ODF2: variants seen among roughly 807,000 people sequenced by gnomAD.
ODF2 encodes outer dense fiber of sperm tails 2.
In ODF2, 47 loss-of-function variants were observed where a neutral mutation model predicts 110.2. The observed-to-expected ratio is 0.43, with a 90% CI of 0.34 to 0.54. The LOEUF is 0.54. ODF2 is among the 20% of genes least tolerant of loss of function. ODF2 has a pLI of 0.03. For missense variants in ODF2, 812 were observed against 1,054.5 expected (o/e 0.77, Z 3.19); for synonymous variants, 352 against 397.7 (o/e 0.89, Z 1.37).
At chr9:128,473,081 C>T (rs1462112757) in intron 7 of ODF2, 39 bp downstream of exon 7, 1 of 1,612,424 alleles carries the variant, frequency 6.2e-7, no homozygotes, top group Admixed American at 1.7e-5. Flanking sequence ...ATGGAACTGG[C>T]CTCGGGAGGG....
chr9:128,460,432 C>G (rs1466495345), intron 3 of ODF2, 118 bp from the exon 3 acceptor site: 1 of 1,508,278 alleles, frequency 6.6e-7, no homozygotes, highest in Non-Finnish European at 8.9e-7. Context: ...GGTAGCTGTC[C>G]TGCTCGCTTG....
At chr9:128,475,956 T>C (rs1333071642) in intron 8 of ODF2, among the ~76,000 whole-genome samples, 1 of 152,074 alleles carries the variant, frequency 6.6e-6, no homozygotes, top group Non-Finnish European at 1.5e-5. Flanking sequence ...GTTCAACTTC[T>C]TTAGGTTCCA....
intron 2 of ODF2, among the ~76,000 whole-genome samples, chr9:128,457,641 C>G (rs1321520528): frequency 1.3e-5 from 2 of 152,190 alleles, no homozygotes; most frequent in African/African-American, 2.4e-5. Flanking sequence ...CCTTCCCTCC[C>G]CAGATGTCAC....
chr9:128,499,865 C>T (rs1846265310), intron 20 of ODF2, among the ~76,000 whole-genome samples: 1 of 152,188 alleles, frequency 6.6e-6, no homozygotes, highest in East Asian at 1.9e-4. Flanking sequence ...CCGTCCTGAC[C>T]TCCCGAAGTG....
At chr9:128,498,667 C>T in intron 19 of ODF2, 92 bp downstream of exon 19, 1 of 718,094 alleles carries the variant, frequency 1.4e-6, no homozygotes, top group Non-Finnish European at 2.3e-6. Context: ...AATGGGCACA[C>T]AGTAGTACCC....
At chr9:128,460,985 G>C in exon 4 of ODF2, 1 of 1,614,122 alleles carries the variant, frequency 6.2e-7, no homozygotes, top group South Asian at 1.1e-5. Flanking sequence ...GTGAATGTGC[G>C]GCGGAGTGTC....
At chr9:128,456,550 C>G in intron 1 of ODF2, 1 of 1,527,838 alleles carries the variant, frequency 6.5e-7, no homozygotes. Context: ...TCTCTATGGG[C>G]AGAAACCGGT....
intron 4 of ODF2, among the ~76,000 whole-genome samples, chr9:128,467,951 T>G (rs1161535200): frequency 6.6e-6 from 1 of 152,134 alleles, no homozygotes; most frequent in Non-Finnish European, 1.5e-5. Flanking sequence ...CGCCTTGGCC[T>G]CCCAAAGTGC....
At chr9:128,473,528 G>T in intron 7 of ODF2, 82 bp from the exon 8 acceptor site, 1 of 1,570,834 alleles carries the variant, frequency 6.4e-7, no homozygotes, top group East Asian at 2.3e-5. Context: ...GGGCTTTCTG[G>T]CACCAGACCT....
chr9:128,476,144 T>C (rs1841216265), intron 8 of ODF2, among the ~76,000 whole-genome samples: 2 of 152,192 alleles, frequency 1.3e-5, no homozygotes, highest in South Asian at 4.1e-4. Context: ...GTTGATTCCG[T>C]ATCTTGGCTA....
At position 128,485,398 on chromosome 9, in the gene ODF2, G is replaced by A; in HGVS notation, c.1324G>A (p.Glu442Lys). Residue 442 changes from glutamate to lysine, a missense_variant, in exon 13 of 21, where the codon GAA becomes AAA. By Grantham distance (56) the Glu-to-Lys change is moderately conservative. Around this residue, in one of 5 missense-constraint regions of ODF2, gnomAD observed 165 missense variants for 293.4 expected, o/e 0.56. Transcript: ENST00000604420. The surrounding 1 kb of genome is among the most constrained non-coding windows in gnomAD (Gnocchi z 5.0). ...TGTCGCTGAAGCTTTATCCACTCTG[G>A]AATCCTGGAGGAGCCGCTACAACCA... is the stretch of plus-strand genomic sequence containing the variant. The A allele has an allele frequency of 6.2e-7, 1 of 1,611,126 alleles. No individual in the cohort carries two copies. The highest frequency in any genetic ancestry group is 8.5e-7 in the Non-Finnish European group (1 of 1,177,646).
chr9:128,500,225 T>G lies in ODF2; in HGVS notation c.2460T>G (p.Ser820=), dbSNP rs878866194. The G allele has an allele frequency of 4.3e-6, 7 of 1,614,046 alleles. No homozygotes were observed. In the South Asian group the frequency reaches 7.7e-5, roughly 18 times the overall value. Residue 820 remains serine (S), a synonymous_variant, in exon 21 of 21, where the codon TCT becomes TCG. Transcript: ENST00000604420. ...CCTATTCCACCTTCCTGACTAGCTC[T>G]CCCATCCGCTCCCGATCTCCTCCTG...
chr9:128,484,814 C>A, exon 12 of ODF2: 2 of 1,613,936 alleles, frequency 1.2e-6, no homozygotes, highest in Non-Finnish European at 1.7e-6. Flanking sequence ...AGAAGGCCAT[C>A]CGAGCCCAGA....
chr9:128,488,582 A>G (rs1588952379), intron 14 of ODF2, among the ~76,000 whole-genome samples: 1 of 152,352 alleles, frequency 6.6e-6, no homozygotes, highest in East Asian at 1.9e-4. Context: ...TGGTGTACTC[A>G]GCCTGCGCAC....
At chr9:128,467,037 A>G (rs1446268924) in intron 4 of ODF2, among the ~76,000 whole-genome samples, 1 of 114,886 alleles carries the variant, frequency 8.7e-6, no homozygotes, top group Non-Finnish European at 1.7e-5. Context: ...ATATATATAT[A>G]TATATATATA....
At chr9:128,473,575 C>T (rs1441978107) in intron 7 of ODF2, 35 bp from the exon 8 acceptor site, 1 of 1,610,826 alleles carries the variant, frequency 6.2e-7, no homozygotes, top group African/African-American at 1.3e-5. Context: ...TCCCTTCTCC[C>T]CCTGCATCTG....
At chr9:128,495,607 G>C (rs542631201) in intron 17 of ODF2, among the ~76,000 whole-genome samples, 3 of 152,370 alleles carry the variant, frequency 2.0e-5, no homozygotes, top group Admixed American at 6.5e-5. Flanking sequence ...AGGATTGACA[G>C]ATTTCCTGTT....
At chr9:128,477,645 A>G (rs7866132) in intron 8 of ODF2, among the ~76,000 whole-genome samples, 44,369 of 149,670 alleles carry the variant, frequency 0.3, 7,600 homozygotes, top group East Asian at 0.47. Context: ...TCGCTCTGTC[A>G]CCGAGGCTGG....
intron 6 of ODF2, among the ~76,000 whole-genome samples, chr9:128,472,020 G>A (rs1054189697): frequency 6.6e-6 from 1 of 152,132 alleles, no homozygotes; most frequent in Non-Finnish European, 1.5e-5. Flanking sequence ...GGTGGCTCAC[G>A]CCTGTAATCC....
Sources: allele counts gnomAD v4.1 joint callset (sites outside exome capture counted in the v4.1 genomes callset), GRCh38; gene constraint gnomAD v4.1.1; regional missense constraint gnomAD v4.1.1; non-coding constraint Gnocchi (gnomAD v3.1); transcripts MANE v1.5; gene names NCBI Gene and HGNC (gene_info 2026-07-23, HGNC 2026-07-21).